The following VPS13A variants were observed in gnomAD, a reference collection of about 807,000 sequenced individuals.
VPS13A encodes vacuolar protein sorting 13 homolog A, also known as intermembrane lipid transfer protein VPS13A.
In VPS13A, 264 loss-of-function variants were observed where a neutral mutation model predicts 390.9. That is an observed-to-expected ratio of 0.68 (90% confidence interval 0.61 to 0.75). VPS13A has a LOEUF of 0.75. VPS13A is among the 30% of genes least tolerant of loss of function. VPS13A has a pLI of 0.00. For missense variants in VPS13A, 3,409 were observed against 3,733.9 expected, an observed-to-expected ratio of 0.91 and a Z score of 2.27; for synonymous variants, 1,231 against 1,227.1, an observed-to-expected ratio of 1.00 and a Z score of -0.07.
At chr9:77,285,166 T>C (rs1027383525) in intron 31 of VPS13A, among the ~76,000 whole-genome samples, 1 of 152,210 alleles carries the variant, frequency 6.6e-6, no homozygotes, top group Non-Finnish European at 1.5e-5. Flanking sequence ...CTGCCTTGTT[T>C]AGTAACTTTC....
chr9:77,381,421 CA>C (rs1437095345), intron 67 of VPS13A, among the ~76,000 whole-genome samples: 32 of 151,990 alleles, frequency 2.1e-4, no homozygotes, highest in Admixed American at 1.9e-3. Context: ...TGATTTATAA[CA>C]TTAATAGATT....
chr9:77,197,450 G>A (rs967821208), intron 1 of VPS13A, among the ~76,000 whole-genome samples: 2 of 152,142 alleles, frequency 1.3e-5, no homozygotes, highest in Admixed American at 1.3e-4. Flanking sequence ...CATGTTTGGT[G>A]CATACATGTT....
rs1046715185 is a variant in VPS13A, at chr9:77,294,878, A to T, written c.3508-664A>T. On this transcript the variant is annotated intron_variant, in intron 32 of 71. Transcript: ENST00000360280. ...CAGGCCCTGCTAATTTTTTATTTTTAATTTTTTTTTTAAGACACGATCTCG... is the reference window on the plus strand; with the variant it reads ...CAGGCCCTGCTAATTTTTTATTTTTTATTTTTTTTTTAAGACACGATCTCG... Among the ~76,000 whole-genome samples, 13 of 151,892 alleles carry T rather than the reference A, an allele frequency of 8.6e-5. 1 individual carries two copies. The highest frequency in any genetic ancestry group is 2.9e-4 in the African/African-American group (12 of 41,450).
chr9:77,322,255 T>G (rs966449032), intron 44 of VPS13A, among the ~76,000 whole-genome samples: 7 of 151,986 alleles, frequency 4.6e-5, no homozygotes, highest in Non-Finnish European at 8.8e-5. Flanking sequence ...TCTTTTCTGC[T>G]TCCCAAAAGT....
intron 22 of VPS13A, among the ~76,000 whole-genome samples, chr9:77,254,495 C>G (rs113135476): frequency 1.3e-5 from 2 of 152,034 alleles, no homozygotes; most frequent in Non-Finnish European, 2.9e-5. Flanking sequence ...TTTGTTCTTT[C>G]GATTGTCTTG....
chr9:77,223,788 A>G (rs1241789865), intron 13 of VPS13A, among the ~76,000 whole-genome samples: 1 of 152,176 alleles, frequency 6.6e-6, no homozygotes, highest in Non-Finnish European at 1.5e-5. Context: ...AGATCTAGCT[A>G]AGATCATTGA....
rs1563994167 is a variant in VPS13A, at chr9:77,403,221, A to T, written c.9190-15A>T. ...ACTATCAATTTTCTCATTGTCTCTC[A>T]CTTTTTTCTTTTAGGTCATGGAAAA... is the stretch of plus-strand genomic sequence containing the variant. On this transcript the variant is annotated splice_polypyrimidine_tract_variant and intron_variant, in intron 68 of 71. Coordinates refer to ENST00000360280, the MANE Select transcript of VPS13A (RefSeq NM_033305.3). 1.3e-6 allele frequency: 2 copies of T among 1,589,484 alleles called. No individual in the cohort carries two copies. Among genetic ancestry groups the T allele is most frequent in the Admixed American group, 1.7e-5 (1 of 59,890 alleles).
intron 69 of VPS13A, among the ~76,000 whole-genome samples, chr9:77,404,428 G>A (rs1457110590): frequency 6.6e-6 from 1 of 152,172 alleles, no homozygotes; most frequent in Non-Finnish European, 1.5e-5. Flanking sequence ...TTAGGAGTAT[G>A]TACGAATTTA....
intron 52 of VPS13A, chr9:77,351,085 G>A (rs1391872269): frequency 2.4e-6 from 1 of 423,774 alleles, no homozygotes; most frequent in Non-Finnish European, 4.3e-6. Flanking sequence ...TTAAAGACTT[G>A]AAGACCTTTA....
At chr9:77,355,223 C>T (rs551382845) in intron 54 of VPS13A, among the ~76,000 whole-genome samples, 1 of 152,302 alleles carries the variant, frequency 6.6e-6, no homozygotes, top group African/African-American at 2.4e-5. Context: ...GTTTTGCTTT[C>T]AACACACCAT....
At chr9:77,415,841 T>C (rs529354040) in intron 71 of VPS13A, 115 bp from the exon 72 acceptor site, 1 of 1,185,846 alleles carries the variant, frequency 8.4e-7, no homozygotes, top group African/African-American at 1.5e-5. Context: ...GTATTGGCTG[T>C]CAGTATTACA....
intron 59 of VPS13A, among the ~76,000 whole-genome samples, chr9:77,364,743 A>G (rs995157267): frequency 2.6e-5 from 4 of 152,060 alleles, no homozygotes; most frequent in African/African-American, 9.7e-5. Context: ...ATGTTTCTTC[A>G]TTTGCTTATG....
chr9:77,177,958 C>T (rs965205866), intron 1 of VPS13A, 154 bp downstream of exon 1: 16 of 641,808 alleles, frequency 2.5e-5, no homozygotes, highest in Non-Finnish European at 4.3e-5. Flanking sequence ...TACGTAAAGC[C>T]GGGCGGCAGT....
intron 22 of VPS13A, among the ~76,000 whole-genome samples, chr9:77,254,324 T>G (rs943544692): frequency 6.6e-6 from 1 of 152,232 alleles, no homozygotes; most frequent in African/African-American, 2.4e-5. Flanking sequence ...ATGGCCTTGG[T>G]ACCCTAGTTG....
At position 77,411,595 on chromosome 9, in the gene VPS13A, G is replaced by A. The variant is rs1316417099; in HGVS notation, c.9474+3988G>A. On this transcript the variant is annotated intron_variant, in intron 71 of 71. Transcript: ENST00000360280. ...GGAGAATGGCATGAACCTGGGAGGC[G>A]GAGCTTGCAATCAGCCGAGATGGCG... is the stretch of plus-strand genomic sequence containing the variant. Among the ~76,000 whole-genome samples the A allele has an allele frequency of 6.3e-5, 9 of 142,008 alleles. No homozygotes were observed. In the South Asian group the frequency reaches 6.8e-4, roughly 11 times the overall value. The allele number at this position is 142,008 out of a possible 152,430, so 93.2% of individuals were successfully genotyped here.
intron 59 of VPS13A, 64 bp from the exon 60 acceptor site, chr9:77,365,396 A>C: frequency 4.7e-6 from 5 of 1,058,718 alleles, no homozygotes; most frequent in Non-Finnish European, 5.8e-6. Context: ...TGTGTCTTCT[A>C]TTTGCTTAAA....
Position 77,321,223 on chromosome 9 carries a change from T to C in VPS13A, c.5470T>C (p.Tyr1824His). The C allele has an allele frequency of 1.2e-6, 2 of 1,612,690 alleles. No homozygotes were observed. Among genetic ancestry groups the C allele is most frequent in the Admixed American group, 1.7e-5 (1 of 59,836 alleles). ...IVESDPEEEN[Y>H]KVPEYKTVIS... is the part of the protein sequence containing the mutation. The stretch of plus-strand genomic sequence containing the variant: ...TGAGTCAGATCCTGAAGAAGAAAAC[T>C]ACAAAGTGCCAGAATATAAAACTGT... The change falls in exon 43 of 72, where the codon TAC becomes CAC. Residue 1824 changes from tyrosine to histidine, a missense_variant. Physicochemically the swap from Tyr to His is moderately conservative, Grantham distance 83 (BLOSUM62 2). This residue lies in a region of VPS13A where 2,717 missense variants were observed against 2,917.4 expected (regional missense o/e 0.93). Coordinates refer to ENST00000360280, the MANE Select transcript of VPS13A (RefSeq NM_033305.3).
At chr9:77,277,991 A>G (rs1023510772) in intron 26 of VPS13A, among the ~76,000 whole-genome samples, 1 of 152,222 alleles carries the variant, frequency 6.6e-6, no homozygotes, top group Non-Finnish European at 1.5e-5. Context: ...TGGAAAGAAA[A>G]GTAAACCAAC....
rs181397897 is a variant in VPS13A, at chr9:77,261,146, G to A, written c.2427+922G>A. On this transcript the variant is annotated intron_variant, in intron 23 of 71. Coordinates refer to ENST00000360280, the MANE Select transcript of VPS13A (RefSeq NM_033305.3). ...GAACTCCTGACCTTGTGATCCACCC[G>A]CCTCGGCCTTCCAAAGTGCTGGGAT... Among the ~76,000 whole-genome samples the A allele has an allele frequency of 1.5e-3, 228 of 152,032 alleles. 1 individual carries two copies. Among genetic ancestry groups the A allele is most frequent in the African/African-American group, 5.1e-3 (210 of 41,468 alleles).
Sources: allele counts gnomAD v4.1 joint callset (sites outside exome capture counted in the v4.1 genomes callset), GRCh38; gene constraint gnomAD v4.1.1; regional missense constraint gnomAD v4.1.1; transcripts MANE v1.5; gene names NCBI Gene and HGNC (gene_info 2026-07-23, HGNC 2026-07-21).